TRPC6: variants seen among roughly 807,000 people sequenced by gnomAD.
TRPC6 encodes short transient receptor potential channel 6.
Under a neutral mutation model 90.7 loss-of-function variants are expected in TRPC6, and 55 were observed. The observed-to-expected ratio is 0.61, with a 90% CI of 0.49 to 0.76. The LOEUF is 0.76. TRPC6 is among the 30% of genes least tolerant of loss of function. TRPC6 has a pLI of 0.00. For synonymous variants in TRPC6, 393 were observed against 393.0 expected (o/e 1.00, Z 0.00); for missense variants, 989 against 1,122.7 (o/e 0.88, Z 1.70).
chr11:101,525,426 G>A (rs1266461261), intron 1 of TRPC6, among the ~76,000 whole-genome samples: 1 of 152,182 alleles, frequency 6.6e-6, no homozygotes. Context: ...AGAATTTTCA[G>A]GACATGGTGA....
At chr11:101,476,162 G>A (rs952504028) in intron 6 of TRPC6, 139 bp downstream of exon 6, 33 of 716,612 alleles carry the variant, frequency 4.6e-5, no homozygotes, top group African/African-American at 7.1e-5. Context: ...CTCACATATA[G>A]ATGCTCATTC....
intron 9 of TRPC6, among the ~76,000 whole-genome samples, chr11:101,470,802 G>GC (rs1354457752): frequency 1.2e-3 from 60 of 48,718 alleles, no homozygotes; most frequent in Middle Eastern, 0.014. Context: ...TAATCAAGTT[G>GC]CCCCGCCCCC....
intron 1 of TRPC6, among the ~76,000 whole-genome samples, chr11:101,544,139 T>C (rs1861241198): frequency 6.6e-6 from 1 of 152,186 alleles, no homozygotes; most frequent in Non-Finnish European, 1.5e-5. Context: ...ATGCTCATCA[T>C]CACTCGTCAT....
At chr11:101,513,832 T>C (rs772788458) in intron 1 of TRPC6, among the ~76,000 whole-genome samples, 2 of 152,178 alleles carry the variant, frequency 1.3e-5, no homozygotes, top group Admixed American at 1.3e-4. Flanking sequence ...TCTGATGTCA[T>C]AGAAACATTC....
chr11:101,532,213 A>G (rs1860925444), intron 1 of TRPC6, among the ~76,000 whole-genome samples: 1 of 152,200 alleles, frequency 6.6e-6, no homozygotes, highest in South Asian at 2.1e-4. Context: ...GGTCCCTAAA[A>G]TTATATAAGT....
chr11:101,555,214 T>A (rs1457236749), intron 1 of TRPC6, among the ~76,000 whole-genome samples: 1 of 152,198 alleles, frequency 6.6e-6, no homozygotes, highest in Non-Finnish European at 1.5e-5. Flanking sequence ...CACCTATTAT[T>A]CAAAGGCAGG....
chr11:101,483,249 A>C, intron 4 of TRPC6, 84 bp from the exon 5 acceptor site: 2 of 1,315,914 alleles, frequency 1.5e-6, no homozygotes, highest in Non-Finnish European at 1.1e-6. Flanking sequence ...AAGAATAAAC[A>C]TCTGCACATT....
rs1196257429 is a variant in TRPC6, at chr11:101,573,938, GTGTGTGTGTGTGTGTGTGTA to G, written c.170+9376_170+9395del. On this transcript the variant is annotated intron_variant, in intron 1 of 12. Transcript: ENST00000344327. ...AACAAATACGTGTGTGTGTGTGTGT[GTGTGTGTGTGTGTGTGTGTA>G]TGTGTGTGTGTGTTGAGAAGGGTGG... Among the ~76,000 whole-genome samples, 169 of 125,848 alleles carry G rather than the reference GTGTGTGTGTGTGTGTGTGTA, an allele frequency of 1.3e-3. 6 individuals are homozygous for G. Among genetic ancestry groups the G allele is most frequent in the African/African-American group, 4.3e-3 (143 of 33,320 alleles). The allele number at this position is 125,848 out of a possible 152,430, so 82.6% of individuals were successfully genotyped here. A position where few individuals can be genotyped will look rare whatever the true frequency, so the allele number is the denominator to read the frequency against.
At chr11:101,484,722 T>C (rs1450382201) in intron 4 of TRPC6, among the ~76,000 whole-genome samples, 2 of 151,672 alleles carry the variant, frequency 1.3e-5, no homozygotes, top group Admixed American at 6.6e-5. Context: ...CTCACGTTCC[T>C]GATATAAAAT....
intron 1 of TRPC6, among the ~76,000 whole-genome samples, chr11:101,518,683 G>A (rs754873617): frequency 2.6e-5 from 4 of 152,162 alleles, no homozygotes; most frequent in Non-Finnish European, 5.9e-5. Flanking sequence ...CAATCCCACT[G>A]CTGGGTATAT....
chr11:101,554,420 A>AG (rs5794113), intron 1 of TRPC6, among the ~76,000 whole-genome samples: 1 of 151,782 alleles, frequency 6.6e-6, no homozygotes. Context: ...AAAAAAAAAA[A>AG]TTAACCTGTT....
chr11:101,483,321 T>C (rs1002225571), intron 4 of TRPC6, among the ~76,000 whole-genome samples, 156 bp from the exon 5 acceptor site: 4 of 152,244 alleles, frequency 2.6e-5, no homozygotes, highest in Non-Finnish European at 4.4e-5. Flanking sequence ...AATATCTTTA[T>C]GCTGTTACAA....
At chr11:101,496,163 T>C (rs1034763375) in intron 2 of TRPC6, among the ~76,000 whole-genome samples, 20 of 152,064 alleles carry the variant, frequency 1.3e-4, no homozygotes, top group African/African-American at 4.8e-4. Flanking sequence ...CTCACTAGCA[T>C]GAGAACAGCA....
In TRPC6 at chr11:101,540,771, A is replaced by AT. The variant is rs1282225152; in HGVS notation, c.171-35974dup. 3.3e-5 allele frequency among the ~76,000 whole-genome samples: 5 copies of AT among 152,272 alleles called. No individual in the cohort carries two copies. The East Asian group carries it at 9.6e-4, about 29-fold the overall frequency. ...AAAGAAAGATGAGTTAAAAATCAAA[A>AT]TGTTTTGGTTACATTCCTTATTTGA... is the stretch of plus-strand genomic sequence containing the variant. On this transcript the variant is annotated intron_variant, in intron 1 of 12. Transcript: ENST00000344327.
At chr11:101,524,143 C>T (rs1294576540) in intron 1 of TRPC6, among the ~76,000 whole-genome samples, 1 of 152,246 alleles carries the variant, frequency 6.6e-6, no homozygotes, top group Non-Finnish European at 1.5e-5. Flanking sequence ...TTTGTATTCA[C>T]AACAGCCTTC....
At chr11:101,536,252 T>C (rs11224821) in intron 1 of TRPC6, among the ~76,000 whole-genome samples, 54,542 of 151,962 alleles carry the variant, frequency 0.36, 10,840 homozygotes, top group Non-Finnish European at 0.44. Context: ...CCAGGCTTGG[T>C]GGTTCATGCC....
intron 10 of TRPC6, chr11:101,455,477 TG>T (rs371084826): frequency 3.3e-4 from 70 of 211,788 alleles, no homozygotes; most frequent in African/African-American, 1.6e-3. Context: ...CAGTGCCACC[TG>T]ATTAACTAAG....
intron 1 of TRPC6, among the ~76,000 whole-genome samples, chr11:101,544,501 C>T (rs1302384164): frequency 6.6e-6 from 1 of 152,110 alleles, no homozygotes; most frequent in East Asian, 1.9e-4. Context: ...CAATGATATA[C>T]TTGATAAAGA....
chr11:101,471,661 A>G lies in TRPC6; in HGVS notation c.2206-275T>C, dbSNP rs150990816. On this transcript the variant is annotated intron_variant, in intron 8 of 12. Coordinates refer to ENST00000344327, the MANE Select transcript of TRPC6 (RefSeq NM_004621.6). ...ATAAATGTATTTTCCTACTTTCTGAAAAATGCTATGAAAAATTATTCTCTC... is the reference window on the plus strand; with the variant it reads ...ATAAATGTATTTTCCTACTTTCTGAGAAATGCTATGAAAAATTATTCTCTC... 1.8e-3 allele frequency among the ~76,000 whole-genome samples: 273 copies of G among 152,302 alleles called. 2 individuals are homozygous for G. Among genetic ancestry groups the G allele is most frequent in the Non-Finnish European group, 2.8e-3 (193 of 68,022 alleles).
Sources: allele counts gnomAD v4.1 joint callset (sites outside exome capture counted in the v4.1 genomes callset), GRCh38; gene constraint gnomAD v4.1.1; transcripts MANE v1.5; gene names NCBI Gene and HGNC (gene_info 2026-07-23, HGNC 2026-07-21).